The following ADAMTS3 variants were observed in gnomAD, a reference collection of about 807,000 sequenced individuals.
The protein encoded by ADAMTS3 is A disintegrin and metalloproteinase with thrombospondin motifs 3.
In ADAMTS3, 73 loss-of-function variants were observed where a neutral mutation model predicts 129.0. The observed-to-expected ratio is 0.57, with a 90% CI of 0.47 to 0.69. ADAMTS3 has a LOEUF of 0.69. Among genes scored for constraint, ADAMTS3 ranks in the 30% least tolerant of loss-of-function variants. The pLI is 0.00. For missense variants in ADAMTS3, 1,457 were observed against 1,514.5 expected (o/e 0.96, Z 0.63); for synonymous variants, 477 against 510.8 (o/e 0.93, Z 0.89).
intron 19 of ADAMTS3, among the ~76,000 whole-genome samples, chr4:72,291,358 A>G (rs994828256): frequency 6.0e-5 from 9 of 150,622 alleles, no homozygotes; most frequent in Admixed American, 3.3e-4. Context: ...CCATTAACTC[A>G]TCATTTAGCA....
intron 5 of ADAMTS3, among the ~76,000 whole-genome samples, chr4:72,336,600 A>C (rs7684831): frequency 0.8 from 121,618 of 152,090 alleles, 49,027 homozygotes; most frequent in African/African-American, 0.88. Flanking sequence ...AGGAAGACTT[A>C]AGTCTTCTGT....
chr4:72,422,022 T>TA (rs777112859), intron 3 of ADAMTS3, among the ~76,000 whole-genome samples: 26 of 152,178 alleles, frequency 1.7e-4, no homozygotes, highest in Non-Finnish European at 2.9e-4. Context: ...ATAACCTCAA[T>TA]AAAAAATTCA....
intron 11 of ADAMTS3, among the ~76,000 whole-genome samples, chr4:72,315,015 C>T (rs1719354111): frequency 6.6e-6 from 1 of 152,118 alleles, no homozygotes; most frequent in South Asian, 2.1e-4. Flanking sequence ...TGGCACTCAG[C>T]CAATTTCTGA....
intron 3 of ADAMTS3, among the ~76,000 whole-genome samples, chr4:72,415,248 T>G (rs1408099033): frequency 6.6e-6 from 1 of 152,040 alleles, no homozygotes; most frequent in African/African-American, 2.4e-5. Flanking sequence ...AATGTATATA[T>G]TTTATCAAAC....
rs746056349 is a variant in ADAMTS3, at chr4:72,298,401, A to G, written c.2466T>C (p.Tyr822=). The G allele has an allele frequency of 2.5e-6, 4 of 1,612,296 alleles. No individual in the cohort carries two copies. Among genetic ancestry groups the G allele is most frequent in the African/African-American group, 1.3e-5 (1 of 74,870 alleles). Residue 822 remains tyrosine (Y), a synonymous_variant, in exon 18 of 22, where the codon TAT becomes TAC. Transcript: ENST00000286657. ...CAGAGTCTTCATGGATGATGTACTT[A>G]TATGTCAGGCTAGAGCGGGTATCAT... ...QENDTRSSLT[Y]KYIIHEDSVP...
chr4:72,331,557 T>A (rs1719854726), intron 5 of ADAMTS3, among the ~76,000 whole-genome samples: 1 of 152,220 alleles, frequency 6.6e-6, no homozygotes, highest in East Asian at 1.9e-4. Flanking sequence ...AACTACTTAG[T>A]ATGGCACTTA....
At chr4:72,310,431 AG>A (rs1294334699) in intron 14 of ADAMTS3, among the ~76,000 whole-genome samples, 1 of 152,120 alleles carries the variant, frequency 6.6e-6, no homozygotes, top group East Asian at 1.9e-4. Flanking sequence ...TCATTAATAC[AG>A]CACTTCAGTT....
chr4:72,308,106 G>T (rs1025447292), intron 15 of ADAMTS3, among the ~76,000 whole-genome samples: 3 of 151,860 alleles, frequency 2.0e-5, no homozygotes, highest in African/African-American at 7.2e-5. Context: ...GTAACTCCAA[G>T]AAAGCACAGT....
At chr4:72,567,296 A>G in intron 2 of ADAMTS3, 78 bp downstream of exon 2, 1 of 1,398,832 alleles carries the variant, frequency 7.1e-7, no homozygotes, top group South Asian at 1.2e-5. Flanking sequence ...AACATTTCAG[A>G]AACAATATTT....
intron 3 of ADAMTS3, among the ~76,000 whole-genome samples, chr4:72,511,355 C>G (rs1348041159): frequency 2.6e-5 from 4 of 152,156 alleles, no homozygotes; most frequent in African/African-American, 9.7e-5. Context: ...CATCTGCAAA[C>G]TGCCCATCTG....
At chr4:72,535,690 G>A (rs1231318238) in intron 3 of ADAMTS3, among the ~76,000 whole-genome samples, 1 of 151,994 alleles carries the variant, frequency 6.6e-6, no homozygotes, top group Non-Finnish European at 1.5e-5. Flanking sequence ...CCACAGAGGG[G>A]CAGAAAACAC....
At chr4:72,421,313 C>T (rs1012881919) in intron 3 of ADAMTS3, among the ~76,000 whole-genome samples, 5 of 152,222 alleles carry the variant, frequency 3.3e-5, no homozygotes, top group African/African-American at 9.6e-5. Context: ...TAGGTGATTG[C>T]CTGGCCCAAT....
chr4:72,537,779 A>C (rs1376466730), intron 3 of ADAMTS3, among the ~76,000 whole-genome samples: 1 of 152,216 alleles, frequency 6.6e-6, no homozygotes, highest in African/African-American at 2.4e-5. Context: ...AAAGAAAAAA[A>C]CAATAGATAC....
At chr4:72,366,630 A>G (rs1720875760) in intron 4 of ADAMTS3, among the ~76,000 whole-genome samples, 4 of 152,150 alleles carry the variant, frequency 2.6e-5, no homozygotes, top group African/African-American at 9.7e-5. Flanking sequence ...TGCATAAAGC[A>G]AGGAAAGCCT....
intron 3 of ADAMTS3, among the ~76,000 whole-genome samples, chr4:72,523,072 G>A (rs914042199): frequency 6.6e-6 from 1 of 151,840 alleles, no homozygotes; most frequent in African/African-American, 2.4e-5. Context: ...AACTTTATAA[G>A]AGTCTTAGAT....
At chr4:72,350,067 AAAT>A (rs1720388383) in intron 4 of ADAMTS3, among the ~76,000 whole-genome samples, 1 of 152,050 alleles carries the variant, frequency 6.6e-6, no homozygotes, top group Non-Finnish European at 1.5e-5. Context: ...CCTAGTCCAC[AAAT>A]AATATTATTC....
At chr4:72,318,805 A>G (rs921684236) in intron 9 of ADAMTS3, 101 bp from the exon 10 acceptor site, 15 of 1,221,482 alleles carry the variant, frequency 1.2e-5, no homozygotes, top group Non-Finnish European at 1.7e-5. Flanking sequence ...TTAGAATTTC[A>G]TCCCAGATCA....
chr4:72,288,163 G>T (rs1290878108), intron 21 of ADAMTS3, among the ~76,000 whole-genome samples: 1 of 152,156 alleles, frequency 6.6e-6, no homozygotes, highest in Non-Finnish European at 1.5e-5. Flanking sequence ...ACCGCACCTG[G>T]CCCCATTTTG....
intron 13 of ADAMTS3, 126 bp downstream of exon 13, chr4:72,312,165 C>G: frequency 1.0e-6 from 1 of 966,812 alleles, no homozygotes; most frequent in East Asian, 2.4e-5. Context: ...GGAGAACTTA[C>G]TCCTATAAGC....
Sources: allele counts gnomAD v4.1 joint callset (sites outside exome capture counted in the v4.1 genomes callset), GRCh38; gene constraint gnomAD v4.1.1; transcripts MANE v1.5; gene names NCBI Gene and HGNC (gene_info 2026-07-23, HGNC 2026-07-21).